The following PPM1G variants were observed in gnomAD, a reference collection of about 807,000 sequenced individuals.
PPM1G encodes the protein protein phosphatase, Mg2+/Mn2+ dependent 1G.
PPM1G carries 12 observed loss-of-function variants against 59.4 expected under a neutral mutation model. The ratio of observed to expected loss-of-function variants is 0.20; its 90% CI spans 0.13 to 0.33. The LOEUF (loss-of-function observed/expected upper bound fraction) is 0.33. Among genes scored for constraint, PPM1G ranks in the 10% least tolerant of loss-of-function variants. The pLI is 1.00. For missense variants in PPM1G, 392 were observed against 681.3 expected, an observed-to-expected ratio of 0.58 and a Z score of 4.73; for synonymous variants, 245 against 251.9, an observed-to-expected ratio of 0.97 and a Z score of 0.26.
intron 1 of PPM1G, among the ~76,000 whole-genome samples, chr2:27,396,409 G>C (rs1206721107): frequency 6.6e-6 from 1 of 152,186 alleles, no homozygotes; most frequent in African/African-American, 2.4e-5. Flanking sequence ...GGGGGAAAGA[G>C]AATGGGGACT....
At chr2:27,404,351 A>T (rs542318136) in intron 1 of PPM1G, among the ~76,000 whole-genome samples, 71 of 151,994 alleles carry the variant, frequency 4.7e-4, no homozygotes, top group Non-Finnish European at 7.2e-4. Flanking sequence ...TCTTGAGACC[A>T]GCCTGGCCAA....
chr2:27,381,304 T>G lies in PPM1G; in HGVS notation c.*295A>C. The G allele has an allele frequency of 2.1e-6, 1 of 479,214 alleles. No homozygotes were observed. Among genetic ancestry groups the G allele is most frequent in the South Asian group, 2.6e-5 (1 of 38,404 alleles). 29.7% of individuals were successfully genotyped at this position (479,214 alleles called of 1,614,324 possible). On this transcript the variant is annotated 3_prime_UTR_variant, in exon 10 of 10. Transcript: ENST00000344034. ...GAGCCGCCAATAAAAAAGAATGTCCTTAAATAAAGTTCACAGAGTAAAAAC... is the reference window on the plus strand; with the variant it reads ...GAGCCGCCAATAAAAAAGAATGTCCGTAAATAAAGTTCACAGAGTAAAAAC...
chr2:27,398,619 C>T (rs374612952), intron 1 of PPM1G, among the ~76,000 whole-genome samples: 2 of 151,440 alleles, frequency 1.3e-5, no homozygotes, highest in African/African-American at 4.9e-5. Context: ...GTCAAGAGAT[C>T]GAGACTATCC....
intron 1 of PPM1G, among the ~76,000 whole-genome samples, chr2:27,396,925 A>G (rs546142839): frequency 9.2e-5 from 14 of 152,150 alleles, no homozygotes; most frequent in Admixed American, 7.2e-4. Flanking sequence ...GCTGGAGTAC[A>G]ATGGCACGAT....
intron 1 of PPM1G, among the ~76,000 whole-genome samples, chr2:27,394,254 T>A (rs1490237170): frequency 6.6e-6 from 1 of 152,190 alleles, no homozygotes; most frequent in African/African-American, 2.4e-5. Context: ...TAGTAATTTT[T>A]AAAAAATAAT....
At chr2:27,390,752 T>C (rs184751293) in intron 1 of PPM1G, among the ~76,000 whole-genome samples, 47 of 152,328 alleles carry the variant, frequency 3.1e-4, no homozygotes, top group African/African-American at 1.1e-3. Flanking sequence ...CTGAACCCGT[T>C]TCCCAGGTGC....
intron 1 of PPM1G, among the ~76,000 whole-genome samples, chr2:27,402,691 C>T (rs1684208112): frequency 6.6e-6 from 1 of 151,344 alleles, no homozygotes; most frequent in South Asian, 2.1e-4. Context: ...CGCCTGTAGT[C>T]CAGCTACGCG....
Position 27,409,307 on chromosome 2 carries a change from A to G in PPM1G, c.116T>C (p.Met39Thr). ...FSAMQGWRVS[M>T]EDAHNCIPEL... is the part of the protein sequence containing the mutation. ...TATGGGCCCCTGCCTCCTCACCTCC[A>G]TGGAGACGCGCCAGCCTTGCATGGC... Residue 39 changes from methionine (M) to threonine (T), a missense_variant, in exon 1 of 10, where the codon ATG (methionine) becomes ACG (threonine). Physicochemically the swap from Met to Thr is moderately conservative, Grantham distance 81. Transcript: ENST00000344034. 6.4e-7 allele frequency: 1 copy of G among 1,550,688 alleles called. No homozygotes were observed. The highest frequency in any genetic ancestry group is 1.4e-5 in the African/African-American group (1 of 71,966).
Position 27,399,173 on chromosome 2 carries a change from A to AACAACAACAAC in PPM1G, c.120+10129_120+10130insGTTGTTGTTGT, listed in dbSNP as rs1278435300. Among the ~76,000 whole-genome samples the AACAACAACAAC allele has an allele frequency of 5.8e-3, 578 of 99,924 alleles. 1 individual carries two copies. Among genetic ancestry groups the AACAACAACAAC allele is most frequent in the African/African-American group, 0.025 (548 of 22,214 alleles). The allele number at this position is 99,924 out of a possible 152,430, so 65.6% of individuals were successfully genotyped here. ...ACAACAACAACAACAACAACAACAA[A>AACAACAACAAC]AACAAAACAAAAAAAGAAAGCAAAA... On this transcript the variant is annotated intron_variant, in intron 1 of 9. Coordinates refer to ENST00000344034, the MANE Select transcript of PPM1G (RefSeq NM_177983.3).
At position 27,404,715 on chromosome 2, in the gene PPM1G, C is replaced by T. The variant is rs927953231; in HGVS notation, c.120+4588G>A. Among the ~76,000 whole-genome samples the T allele has an allele frequency of 2.6e-5, 4 of 151,966 alleles. No individual in the cohort carries two copies. The East Asian group carries it at 5.8e-4, about 22-fold the overall frequency. ...ATGCCAGCACTTTGGGAGGCCGAGG[C>T]GGGCGGATTAAGAGGTCAGGAGTTG... On this transcript the variant is annotated intron_variant, in intron 1 of 9. Coordinates refer to ENST00000344034, the MANE Select transcript of PPM1G (RefSeq NM_177983.3).
intron 1 of PPM1G, among the ~76,000 whole-genome samples, chr2:27,407,779 T>C (rs888768403): frequency 1.3e-5 from 2 of 152,146 alleles, no homozygotes; most frequent in Admixed American, 1.3e-4. Context: ...CAGGGTGTGG[T>C]GGTTCATGCC....
chr2:27,398,795 C>T lies in PPM1G; in HGVS notation c.120+10508G>A, dbSNP rs182315628. On this transcript the variant is annotated intron_variant, in intron 1 of 9. Transcript: ENST00000344034. The stretch of plus-strand genomic sequence containing the variant: ...CGAGATCATGCCACTGCACTCCAGC[C>T]TGGCAACAGAGCGAGACTCCGTCTC... Among the ~76,000 whole-genome samples the T allele has an allele frequency of 6.3e-3, 946 of 150,076 alleles. 12 individuals carry two copies. Among genetic ancestry groups the T allele is most frequent in the African/African-American group, 0.022 (898 of 40,720 alleles).
chr2:27,387,265 G>A, intron 1 of PPM1G, 107 bp from the exon 2 acceptor site: 1 of 788,316 alleles, frequency 1.3e-6, no homozygotes, highest in Non-Finnish European at 2.1e-6. Flanking sequence ...TGGCCTATAT[G>A]GCCTAGAAAT....
chr2:27,400,345 T>C (rs1684154685), intron 1 of PPM1G, among the ~76,000 whole-genome samples: 1 of 152,146 alleles, frequency 6.6e-6, no homozygotes, highest in African/African-American at 2.4e-5. Flanking sequence ...GAGGTTGCAG[T>C]GAGCTGAGAT....
chr2:27,391,668 A>G (rs1683906598), intron 1 of PPM1G, among the ~76,000 whole-genome samples: 1 of 150,646 alleles, frequency 6.6e-6, no homozygotes, highest in South Asian at 2.1e-4. Context: ...TTCTTGAAAG[A>G]TCTCTTGGAT....
At chr2:27,405,374 A>G (rs1449042447) in intron 1 of PPM1G, among the ~76,000 whole-genome samples, 1 of 150,056 alleles carries the variant, frequency 6.7e-6, no homozygotes, top group African/African-American at 2.5e-5. Flanking sequence ...CCCAGTGCCT[A>G]CCTCTTAATC....
Position 27,392,971 on chromosome 2 carries a change from G to A in PPM1G, c.121-5813C>T. The A allele has an allele frequency of 2.0e-6, 3 of 1,504,348 alleles. No individual in the cohort carries two copies. In the South Asian group the frequency reaches 3.4e-5, roughly 17 times the overall value. 93.2% of individuals were successfully genotyped at this position (1,504,348 alleles called of 1,614,324 possible). A position where few individuals can be genotyped will look rare whatever the true frequency, so the allele number is the denominator to read the frequency against. Reference sequence around the variant, plus strand: ...CAAATGGGGGTCATTTTTGTCAGTGGCCAGTTTGTGCAGTTCCAGTAGTGA... The same window carrying A: ...CAAATGGGGGTCATTTTTGTCAGTGACCAGTTTGTGCAGTTCCAGTAGTGA... On this transcript the variant is annotated intron_variant, in intron 1 of 9. Transcript: ENST00000344034.
intron 1 of PPM1G, among the ~76,000 whole-genome samples, chr2:27,396,806 ACTCCGT>A (rs1684063804): frequency 1.7e-5 from 2 of 118,872 alleles, no homozygotes; most frequent in Admixed American, 1.8e-4. Context: ...ACAGAGCAAG[ACTCCGT>A]CTCCAACAAA....
Position 27,409,526 on chromosome 2 carries a change from G to A in PPM1G, c.-104C>T, listed in dbSNP as rs1663466262. The A allele has an allele frequency of 4.6e-6, 6 of 1,311,620 alleles. No homozygotes were observed. The highest frequency in any genetic ancestry group is 2.0e-5 in the South Asian group (1 of 50,920). 81.2% of individuals were successfully genotyped at this position (1,311,620 alleles called of 1,614,324 possible). A position where few individuals can be genotyped will look rare whatever the true frequency, so the allele number is the denominator to read the frequency against. On this transcript the variant is annotated 5_prime_UTR_variant, in exon 1 of 10. Transcript: ENST00000344034. ...GCGGCAGGAGCAGGCCCCGCGGCGC[G>A]ACCGACGCAAGGTGCCGGTGAAAGG...
Sources: allele counts gnomAD v4.1 joint callset (sites outside exome capture counted in the v4.1 genomes callset), GRCh38; gene constraint gnomAD v4.1.1; transcripts MANE v1.5; gene names NCBI Gene and HGNC (gene_info 2026-07-23, HGNC 2026-07-21).